ASIC2: variants seen among roughly 807,000 people sequenced by gnomAD.
ASIC2 encodes acid sensing ion channel subunit 2.
Under a neutral mutation model 57.3 loss-of-function variants are expected in ASIC2, and 25 were observed. The observed-to-expected ratio is 0.44, with a 90% confidence interval of 0.32 to 0.61. The LOEUF is 0.61. ASIC2 is among the 20% of genes least tolerant of loss of function. ASIC2 has a pLI of 0.06. For synonymous variants in ASIC2, 319 were observed against 307.5 expected, an observed-to-expected ratio of 1.04 and a Z score of -0.39; for missense variants, 641 against 738.1, an observed-to-expected ratio of 0.87 and a Z score of 1.52.
intron 1 of ASIC2, among the ~76,000 whole-genome samples, chr17:33,187,941 A>C (rs1906267172): frequency 6.6e-6 from 1 of 151,700 alleles, no homozygotes. Context: ...AAAGAAAAAA[A>C]AGAAAAAACA....
chr17:33,809,697 T>C (rs1021185304), intron 1 of ASIC2, among the ~76,000 whole-genome samples: 10 of 152,160 alleles, frequency 6.6e-5, no homozygotes, highest in African/African-American at 2.4e-4. Flanking sequence ...AACTTATAAA[T>C]GGTGTGTTTA....
chr17:34,013,739 G>A (rs772360487), intron 1 of ASIC2, among the ~76,000 whole-genome samples: 18 of 150,176 alleles, frequency 1.2e-4, no homozygotes, highest in Non-Finnish European at 2.5e-4. Flanking sequence ...CATATGAAGA[G>A]GCTTCTGACT....
At chr17:33,448,211 G>A (rs1199038270) in intron 1 of ASIC2, among the ~76,000 whole-genome samples, 1 of 152,038 alleles carries the variant, frequency 6.6e-6, no homozygotes, top group Non-Finnish European at 1.5e-5. Flanking sequence ...ACTGCCAAAT[G>A]CCATTTTTTG....
chr17:33,765,012 C>A (rs1255737666), intron 1 of ASIC2, among the ~76,000 whole-genome samples: 2 of 150,814 alleles, frequency 1.3e-5, no homozygotes, highest in Non-Finnish European at 2.9e-5. Flanking sequence ...GTGTCAGCAC[C>A]CTTGCTCTTC....
intron 1 of ASIC2, among the ~76,000 whole-genome samples, chr17:33,235,339 G>A (rs1047940020): frequency 3.3e-5 from 5 of 152,282 alleles, no homozygotes; most frequent in Admixed American, 3.3e-4. Flanking sequence ...GGGCTGACGT[G>A]GGAGGGAGTT....
rs116434120 is a variant in ASIC2, at chr17:34,094,450, G to A, written c.555+61528C>T. 5.4e-3 allele frequency among the ~76,000 whole-genome samples: 821 copies of A among 152,288 alleles called. 10 individuals carry two copies. The highest frequency in any genetic ancestry group is 0.019 in the African/African-American group (780 of 41,556). Reference sequence around the variant, plus strand: ...CAGGCACATCTAACTGCTGCAGGACGCTGACTCCTCAATGGATTGTGATCC... The same window carrying A: ...CAGGCACATCTAACTGCTGCAGGACACTGACTCCTCAATGGATTGTGATCC... On this transcript the variant is annotated intron_variant, in intron 1 of 9. Coordinates refer to the ASIC2 transcript ENST00000359872.
intron 1 of ASIC2, among the ~76,000 whole-genome samples, chr17:34,139,858 C>T (rs1390507365): frequency 3.9e-5 from 6 of 152,104 alleles, no homozygotes; most frequent in Non-Finnish European, 8.8e-5. Flanking sequence ...CTTGAATGCA[C>T]TTAATACCAT....
At chr17:33,057,241 G>T (rs1000534507) in intron 3 of ASIC2, among the ~76,000 whole-genome samples, 3 of 152,122 alleles carry the variant, frequency 2.0e-5, no homozygotes, top group African/African-American at 7.2e-5. Flanking sequence ...CCTGCTTCCC[G>T]GCTGCCTCTA....
At chr17:34,153,474 C>T (rs1463154885) in intron 1 of ASIC2, among the ~76,000 whole-genome samples, 1 of 152,072 alleles carries the variant, frequency 6.6e-6, no homozygotes, top group Non-Finnish European at 1.5e-5. Context: ...AAGAAGGATG[C>T]TTATATCCCA....
chr17:33,267,516 T>C (rs1422236005), intron 1 of ASIC2, among the ~76,000 whole-genome samples: 1 of 152,222 alleles, frequency 6.6e-6, no homozygotes, highest in East Asian at 1.9e-4. Context: ...AGTCACTGAC[T>C]CTGAACCCAA....
intron 1 of ASIC2, among the ~76,000 whole-genome samples, chr17:34,150,513 T>C (rs2142143454): frequency 6.6e-6 from 1 of 152,302 alleles, no homozygotes; most frequent in African/African-American, 2.4e-5. Context: ...CATAAATATA[T>C]GTACCTTTTA....
chr17:33,350,856 G>A (rs1359396762), intron 1 of ASIC2, among the ~76,000 whole-genome samples: 1 of 152,042 alleles, frequency 6.6e-6, no homozygotes, highest in East Asian at 1.9e-4. Flanking sequence ...ATAGAAGATA[G>A]CATCATAGTA....
chr17:33,811,957 T>G (rs1912435230), intron 1 of ASIC2, among the ~76,000 whole-genome samples: 1 of 152,234 alleles, frequency 6.6e-6, no homozygotes, highest in Non-Finnish European at 1.5e-5. Context: ...TTGCTATATT[T>G]GTGAAGCTGC....
intron 9 of ASIC2, among the ~76,000 whole-genome samples, chr17:33,014,616 C>T (rs928701849): frequency 3.3e-5 from 5 of 151,962 alleles, no homozygotes; most frequent in Non-Finnish European, 7.4e-5. Flanking sequence ...CTGAGCTGGC[C>T]GCACATGAAT....
intron 1 of ASIC2, among the ~76,000 whole-genome samples, chr17:33,361,337 G>A (rs1304657124): frequency 6.6e-6 from 1 of 152,186 alleles, no homozygotes; most frequent in Non-Finnish European, 1.5e-5. Flanking sequence ...GGAGAGCATT[G>A]AGAACCAACT....
intron 1 of ASIC2, among the ~76,000 whole-genome samples, chr17:34,022,355 C>T (rs891707028): frequency 5.9e-5 from 9 of 152,166 alleles, no homozygotes; most frequent in South Asian, 4.1e-4. Flanking sequence ...TCCCAGGGTA[C>T]GGTTTTGGAC....
intron 1 of ASIC2, among the ~76,000 whole-genome samples, chr17:33,821,714 A>G (rs927756227): frequency 1.3e-5 from 2 of 152,252 alleles, no homozygotes; most frequent in Non-Finnish European, 2.9e-5. Context: ...CAGATTCATC[A>G]GCAAACTCAT....
At chr17:33,752,274 A>G (rs1910458453) in intron 1 of ASIC2, among the ~76,000 whole-genome samples, 1 of 152,216 alleles carries the variant, frequency 6.6e-6, no homozygotes, top group Admixed American at 6.5e-5. Flanking sequence ...TACCTCTCAG[A>G]GGAAATTAAA....
At chr17:33,821,551 G>A (rs905690397) in intron 1 of ASIC2, among the ~76,000 whole-genome samples, 2 of 152,204 alleles carry the variant, frequency 1.3e-5, no homozygotes, top group African/African-American at 4.8e-5. Context: ...AGTGAATGAG[G>A]AGGAAAGGCA....
Sources: gnomAD v4.1 joint callset for allele counts (sites outside exome capture counted in the v4.1 genomes callset) on GRCh38, gnomAD v4.1.1 for gene constraint, MANE v1.5 for transcripts, NCBI Gene and HGNC (gene_info 2026-07-23, HGNC 2026-07-21) for gene names.